Variants in SGCD observed in about 807,000 individuals in gnomAD.
The protein encoded by SGCD is sarcoglycan delta.
A neutral mutation model predicts 36.6 loss-of-function variants in SGCD; 18 were observed. The ratio of observed to expected loss-of-function variants is 0.49; its 90% CI spans 0.34 to 0.73. The LOEUF (loss-of-function observed/expected upper bound fraction) is 0.73, where lower values mean the gene tolerates loss of function less well. Among genes scored for constraint, SGCD ranks in the 30% least tolerant of loss-of-function variants. SGCD has a pLI of 0.01. For synonymous variants in SGCD, 133 were observed against 130.6 expected (o/e 1.02, Z -0.12); for missense variants, 387 against 346.7 (o/e 1.12, Z -0.92).
At chr5:156,382,360 A>G (rs2127748595) in intron 3 of SGCD, among the ~76,000 whole-genome samples, 1 of 152,326 alleles carries the variant, frequency 6.6e-6, no homozygotes, top group Non-Finnish European at 1.5e-5. Context: ...TACTGTCCAT[A>G]AGGAATAAAA....
At chr5:155,872,453 A>C (rs1755675188) in intron 1 of SGCD, among the ~76,000 whole-genome samples, 1 of 152,006 alleles carries the variant, frequency 6.6e-6, no homozygotes, top group African/African-American at 2.4e-5. Context: ...ATAATATTTT[A>C]ATGTGAGAAA....
intron 3 of SGCD, among the ~76,000 whole-genome samples, chr5:156,507,716 C>T (rs1756762088): frequency 6.6e-6 from 1 of 152,026 alleles, no homozygotes; most frequent in African/African-American, 2.4e-5. Flanking sequence ...TTTAAAATGA[C>T]ATTTATCAAA....
At chr5:156,707,256 A>C (rs543756992) in intron 7 of SGCD, among the ~76,000 whole-genome samples, 1 of 152,290 alleles carries the variant, frequency 6.6e-6, no homozygotes, top group East Asian at 1.9e-4. Flanking sequence ...ATTTTAGTAC[A>C]TATTAGAAAT....
At chr5:156,673,797 T>C (rs189684846) in intron 7 of SGCD, among the ~76,000 whole-genome samples, 41 of 152,340 alleles carry the variant, frequency 2.7e-4, no homozygotes, top group Middle Eastern at 6.8e-3. Flanking sequence ...TTACAATGCT[T>C]GTCCCTTCCT....
chr5:156,723,391 A>G (rs1755609005), intron 7 of SGCD, among the ~76,000 whole-genome samples: 1 of 152,202 alleles, frequency 6.6e-6, no homozygotes, highest in Non-Finnish European at 1.5e-5. Flanking sequence ...ACACCTATTT[A>G]TTATAGACTT....
intron 1 of SGCD, among the ~76,000 whole-genome samples, chr5:156,068,869 G>A (rs1241332319): frequency 6.6e-6 from 1 of 151,980 alleles, no homozygotes; most frequent in Non-Finnish European, 1.5e-5. Context: ...TTCTCTGATA[G>A]CCAGTGATGG....
chr5:156,741,945 A>G (rs1034828591), intron 7 of SGCD, among the ~76,000 whole-genome samples: 23 of 151,128 alleles, frequency 1.5e-4, no homozygotes, highest in African/African-American at 5.6e-4. Context: ...GCACTATCTC[A>G]GCTCACTGAA....
At chr5:156,758,735 A>G (rs1757428533) in intron 8 of SGCD, among the ~76,000 whole-genome samples, 1 of 152,100 alleles carries the variant, frequency 6.6e-6, no homozygotes, top group South Asian at 2.1e-4. Context: ...TTTTATAGGC[A>G]TGTTTTTCTC....
At chr5:156,381,143 T>C (rs1463319244) in intron 3 of SGCD, among the ~76,000 whole-genome samples, 1 of 152,164 alleles carries the variant, frequency 6.6e-6, no homozygotes, top group African/African-American at 2.4e-5. Flanking sequence ...GCCAAGGTAA[T>C]CAGGCTTGTG....
At chr5:156,726,997 A>T (rs1341691453) in intron 7 of SGCD, among the ~76,000 whole-genome samples, 2 of 152,236 alleles carry the variant, frequency 1.3e-5, no homozygotes, top group Admixed American at 1.3e-4. Flanking sequence ...GGTAACACAT[A>T]ACCAAGCCTC....
intron 3 of SGCD, among the ~76,000 whole-genome samples, chr5:156,209,580 C>A (rs1416714461): frequency 1.3e-5 from 2 of 152,184 alleles, no homozygotes; most frequent in African/African-American, 4.8e-5. Context: ...CCAGTGGCCT[C>A]AAGGACAAGT....
intron 4 of SGCD, among the ~76,000 whole-genome samples, chr5:156,521,525 A>C (rs1757404714): frequency 5.9e-5 from 9 of 152,162 alleles, no homozygotes. Flanking sequence ...AACACATTAT[A>C]AAGTGGGCAA....
At position 156,621,782 on chromosome 5, in the gene SGCD, C is replaced by T. The variant is rs138856143; in HGVS notation, c.503-25682C>T. On this transcript the variant is annotated intron_variant, in intron 6 of 8. Transcript: ENST00000337851. ...AGAGAGTAGAGATGGAGTAGAATGT[C>T]CAAATATAAGAGGGAAGAGATCTTT... Among the ~76,000 whole-genome samples the T allele has an allele frequency of 4.2e-3, 636 of 152,274 alleles. 1 individual carries two copies. Among genetic ancestry groups the T allele is most frequent in the Non-Finnish European group, 7.7e-3 (526 of 68,022 alleles).
chr5:156,536,095 G>T lies in SGCD; in HGVS notation c.294+27393G>T, dbSNP rs115761063. ...GGATATTTAATGGCAATATTCATTT[G>T]TCAGGGTACTAGCCATATCAACATC... On this transcript the variant is annotated intron_variant, in intron 4 of 8. Transcript: ENST00000337851. 8.7e-3 allele frequency among the ~76,000 whole-genome samples: 1,324 copies of T among 152,198 alleles called. 8 individuals are homozygous for T. The highest frequency in any genetic ancestry group is 0.03 in the African/African-American group (1,252 of 41,520).
At chr5:155,993,007 T>A (rs1758465072) in intron 1 of SGCD, among the ~76,000 whole-genome samples, 1 of 152,148 alleles carries the variant, frequency 6.6e-6, no homozygotes, top group African/African-American at 2.4e-5. Flanking sequence ...TCTCCTGCCC[T>A]AATCACCCCA....
At chr5:156,074,517 A>C (rs1760709447) in intron 1 of SGCD, among the ~76,000 whole-genome samples, 2 of 152,236 alleles carry the variant, frequency 1.3e-5, no homozygotes, top group South Asian at 4.1e-4. Context: ...CCCCGTCTCT[A>C]CTAAAAATAT....
chr5:156,067,963 C>A (rs1429450953), intron 1 of SGCD, among the ~76,000 whole-genome samples: 1 of 129,234 alleles, frequency 7.7e-6, no homozygotes, highest in African/African-American at 4.7e-5. Context: ...TTGGCTCCTC[C>A]CCCCCACTTT....
intron 3 of SGCD, among the ~76,000 whole-genome samples, chr5:156,385,552 AG>A (rs1771231861): frequency 6.6e-6 from 1 of 152,252 alleles, no homozygotes; most frequent in Non-Finnish European, 1.5e-5. Context: ...ATTTGGACAA[AG>A]GTTTGGACAA....
At chr5:155,924,960 T>C (rs1318614013) in intron 1 of SGCD, among the ~76,000 whole-genome samples, 1 of 152,202 alleles carries the variant, frequency 6.6e-6, no homozygotes. Flanking sequence ...TTGGCAAGGA[T>C]TTAATGAATC....
Sources: gnomAD v4.1 joint callset for allele counts (sites outside exome capture counted in the v4.1 genomes callset) on GRCh38, gnomAD v4.1.1 for gene constraint, MANE v1.5 for transcripts, NCBI Gene and HGNC (gene_info 2026-07-23, HGNC 2026-07-21) for gene names.